Variants in MPP7 observed in about 807,000 individuals in gnomAD.
MPP7 encodes MAGUK p55 subfamily member 7.
Under a neutral mutation model 76.5 loss-of-function variants are expected in MPP7, and 60 were observed. The observed-to-expected ratio is 0.78, with a 90% confidence interval of 0.64 to 0.97. MPP7 has a LOEUF of 0.97. MPP7 is among the 50% of genes least tolerant of loss of function. MPP7 has a pLI of 0.00. For missense variants in MPP7, 641 were observed against 694.0 expected (o/e 0.92, Z 0.86); for synonymous variants, 237 against 244.5 (o/e 0.97, Z 0.29).
chr10:28,059,794 G>T, intron 13 of MPP7, 51 bp from the exon 14 acceptor site: 1 of 1,201,358 alleles, frequency 8.3e-7, no homozygotes, highest in Admixed American at 2.0e-5. Context: ...GCCACCTTAA[G>T]GAAAATACTA....
chr10:28,138,188 T>G (rs1315902374), intron 5 of MPP7, among the ~76,000 whole-genome samples: 1 of 152,234 alleles, frequency 6.6e-6, no homozygotes. Flanking sequence ...GTCACTTCAC[T>G]GTTTTATCAA....
At chr10:28,271,681 A>C (rs116058453) in intron 1 of MPP7, among the ~76,000 whole-genome samples, 8,939 of 152,190 alleles carry the variant, frequency 0.059, 313 homozygotes, top group Non-Finnish European at 0.08. Flanking sequence ...GGGCAATTAA[A>C]ATTCTTCTGT....
intron 2 of MPP7, among the ~76,000 whole-genome samples, chr10:28,315,549 G>C (rs1315328578): frequency 6.6e-6 from 1 of 152,144 alleles, no homozygotes; most frequent in Admixed American, 6.5e-5. Context: ...ATTTGAGTTT[G>C]CGTCTCCTGA....
intron 1 of MPP7, among the ~76,000 whole-genome samples, chr10:28,255,088 A>G (rs763055725): frequency 2.6e-5 from 4 of 152,218 alleles, no homozygotes; most frequent in Non-Finnish European, 5.9e-5. Context: ...TCACTCTAAC[A>G]TAGTGCAAAC....
intron 2 of MPP7, among the ~76,000 whole-genome samples, chr10:28,213,510 T>C (rs1268199480): frequency 6.6e-6 from 1 of 151,930 alleles, no homozygotes; most frequent in Non-Finnish European, 1.5e-5. Flanking sequence ...AAAGAGAAGG[T>C]TGGGCTGGCT....
At chr10:28,055,830 T>C (rs1350473335) in intron 16 of MPP7, among the ~76,000 whole-genome samples, 1 of 152,180 alleles carries the variant, frequency 6.6e-6, no homozygotes, top group Non-Finnish European at 1.5e-5. Context: ...ATACAAATGT[T>C]CAGCCTACAA....
intron 2 of MPP7, among the ~76,000 whole-genome samples, chr10:28,230,017 G>A (rs1252064199): frequency 6.6e-6 from 1 of 152,098 alleles, no homozygotes; most frequent in Non-Finnish European, 1.5e-5. Context: ...TGAAGTAGAA[G>A]TCCTGTAAGG....
intron 2 of MPP7, among the ~76,000 whole-genome samples, chr10:28,217,526 CAAAA>C (rs773506497): frequency 1.7e-5 from 1 of 58,978 alleles, no homozygotes; most frequent in East Asian, 5.4e-4. Flanking sequence ...GACTCTGTCT[CAAAA>C]AAAAAAAAAA....
intron 2 of MPP7, among the ~76,000 whole-genome samples, chr10:28,235,767 T>A (rs1342604848): frequency 6.6e-6 from 1 of 152,186 alleles, no homozygotes; most frequent in Non-Finnish European, 1.5e-5. Context: ...CAGAAAAGAT[T>A]GATTTGACTA....
intron 11 of MPP7, among the ~76,000 whole-genome samples, chr10:28,100,324 C>G (rs1419555879): frequency 6.6e-6 from 1 of 152,024 alleles, no homozygotes. Flanking sequence ...AAATGATGCT[C>G]TCATTATATG....
intron 1 of MPP7, among the ~76,000 whole-genome samples, chr10:28,284,460 G>C (rs1478833028): frequency 6.6e-6 from 1 of 152,194 alleles, no homozygotes; most frequent in African/African-American, 2.4e-5. Context: ...GAAGAAGCCA[G>C]TGAAGTCTGC....
intron 1 of MPP7, among the ~76,000 whole-genome samples, chr10:28,292,167 G>A (rs112034941): frequency 1.3e-5 from 2 of 152,192 alleles, no homozygotes; most frequent in Non-Finnish European, 1.5e-5. Context: ...TGTAGCCTAG[G>A]AGCAACGGGC....
At chr10:28,152,840 T>C (rs1344623105) in intron 3 of MPP7, among the ~76,000 whole-genome samples, 5 of 152,124 alleles carry the variant, frequency 3.3e-5, no homozygotes, top group African/African-American at 1.2e-4. Flanking sequence ...TAACCAAAGA[T>C]GTGGCTTCAT....
chr10:28,235,199 C>CA (rs375176368), intron 2 of MPP7, among the ~76,000 whole-genome samples: 24 of 143,278 alleles, frequency 1.7e-4, no homozygotes, highest in African/African-American at 4.3e-4. Context: ...GATCCTGGAA[C>CA]AAAAAAAAAA....
At chr10:28,162,604 C>G (rs1051412986) in intron 3 of MPP7, among the ~76,000 whole-genome samples, 6 of 152,166 alleles carry the variant, frequency 3.9e-5, no homozygotes, top group Non-Finnish European at 8.8e-5. Flanking sequence ...GTTATTAATT[C>G]GTTGTTCAAT....
intron 2 of MPP7, among the ~76,000 whole-genome samples, chr10:28,216,808 A>G (rs182389528): frequency 1.4e-3 from 208 of 152,292 alleles, no homozygotes; most frequent in Non-Finnish European, 2.5e-3. Flanking sequence ...AAGTGACAGC[A>G]CAAAACAGTT....
At chr10:28,062,598 T>C (rs2887212) in intron 13 of MPP7, among the ~76,000 whole-genome samples, 136,431 of 150,686 alleles carry the variant, frequency 0.91, 61,759 homozygotes, top group East Asian at 0.95. Flanking sequence ...TTGGCTTTAA[T>C]ATTAGAAAAG....
intron 2 of MPP7, among the ~76,000 whole-genome samples, chr10:28,225,234 T>C (rs997721081): frequency 1.3e-5 from 2 of 152,150 alleles, no homozygotes; most frequent in African/African-American, 4.8e-5. Context: ...TAAGAAAACA[T>C]AGGAGTAAAT....
At chr10:28,107,437 C>T (rs1457681530) in intron 11 of MPP7, among the ~76,000 whole-genome samples, 1 of 152,080 alleles carries the variant, frequency 6.6e-6, no homozygotes, top group Non-Finnish European at 1.5e-5. Flanking sequence ...AGGTACCATT[C>T]TTTCTATTTT....
Sources: gnomAD v4.1 joint callset for allele counts (sites outside exome capture counted in the v4.1 genomes callset) on GRCh38, gnomAD v4.1.1 for gene constraint, MANE v1.5 for transcripts, NCBI Gene and HGNC (gene_info 2026-07-23, HGNC 2026-07-21) for gene names.